The following CEP112 variants were observed in gnomAD, a reference collection of about 807,000 sequenced individuals.
CEP112 encodes centrosomal protein 112, also known as centrosomal protein of 112 kDa.
Under a neutral mutation model 153.0 loss-of-function variants are expected in CEP112, and 127 were observed. The ratio of observed to expected loss-of-function variants is 0.83; its 90% confidence interval spans 0.72 to 0.96. The LOEUF is 0.96. Ranked by LOEUF, CEP112 falls within the 40% of genes least tolerant of loss-of-function variation. The pLI is 0.00. For synonymous variants in CEP112, 358 were observed against 374.4 expected (o/e 0.96, Z 0.51); for missense variants, 1,089 against 1,101.2 (o/e 0.99, Z 0.16).
At chr17:65,705,489 G>A (rs1328206639) in intron 23 of CEP112, among the ~76,000 whole-genome samples, 1 of 152,174 alleles carries the variant, frequency 6.6e-6, no homozygotes, top group Non-Finnish European at 1.5e-5. Flanking sequence ...ACCTTTTACG[G>A]CACTTACATT....
At chr17:65,978,134 G>A (rs996856312) in intron 17 of CEP112, among the ~76,000 whole-genome samples, 1 of 152,040 alleles carries the variant, frequency 6.6e-6, no homozygotes, top group African/African-American at 2.4e-5. Flanking sequence ...GTGCATACCT[G>A]TAGTCTCAGC....
chr17:66,114,015 A>G lies in CEP112; in HGVS notation c.642+15731T>C, dbSNP rs539343206. Among the ~76,000 whole-genome samples the G allele has an allele frequency of 4.6e-5, 7 of 152,348 alleles. No individual in the cohort carries two copies. The South Asian group carries it at 1.4e-3, about 32-fold the overall frequency. On this transcript the variant is annotated intron_variant, in intron 6 of 26. Transcript: ENST00000535342. ...TTCTTCTTCTCTCATACTACCTCAAAAAAAGAATACCACAATAAATGTCCA... is the reference window on the plus strand; with the variant it reads ...TTCTTCTTCTCTCATACTACCTCAAGAAAAGAATACCACAATAAATGTCCA...
chr17:65,923,147 C>G (rs2144102805), intron 19 of CEP112, among the ~76,000 whole-genome samples: 1 of 152,220 alleles, frequency 6.6e-6, no homozygotes, highest in Admixed American at 6.5e-5. Context: ...TTATATAAAA[C>G]CATTTTTTTA....
At chr17:65,981,049 C>G (rs1268692464) in intron 17 of CEP112, among the ~76,000 whole-genome samples, 1 of 152,176 alleles carries the variant, frequency 6.6e-6, no homozygotes, top group African/African-American at 2.4e-5. Flanking sequence ...CTCCTGACCT[C>G]AGGTGATCCA....
chr17:65,752,862 G>T (rs143549035), intron 21 of CEP112, among the ~76,000 whole-genome samples: 24 of 152,232 alleles, frequency 1.6e-4, no homozygotes, highest in African/African-American at 5.3e-4. Context: ...GTGTATGGTT[G>T]TCTCTTATTT....
At chr17:65,688,216 AT>A (rs1191957271) in intron 24 of CEP112, 1 of 152,258 alleles carries the variant, frequency 6.6e-6, no homozygotes, top group East Asian at 1.9e-4. Context: ...GAAAACTAAA[AT>A]TCAAAAGAAA....
intron 11 of CEP112, among the ~76,000 whole-genome samples, chr17:66,062,098 C>T (rs1441982080): frequency 1.3e-5 from 2 of 152,002 alleles, no homozygotes; most frequent in Non-Finnish European, 2.9e-5. Flanking sequence ...CCTACCATGA[C>T]TGTAAGTTTC....
intron 4 of CEP112, among the ~76,000 whole-genome samples, chr17:66,149,888 G>GTTTTTTTTTTTTTTTT (rs71160535): frequency 9.1e-5 from 5 of 54,724 alleles, no homozygotes; most frequent in Non-Finnish European, 1.2e-4. Flanking sequence ...TTGTTTGTTT[G>GTTTTTTTTTTTTTTTT]TTTTTTTTTT....
At chr17:65,663,982 C>G (rs962715616) in intron 24 of CEP112, among the ~76,000 whole-genome samples, 1 of 152,084 alleles carries the variant, frequency 6.6e-6, no homozygotes, top group African/African-American at 2.4e-5. Context: ...GGAGGCGGAG[C>G]TTGCAGTGAG....
At chr17:65,978,206 T>C (rs2063105696) in intron 17 of CEP112, among the ~76,000 whole-genome samples, 3 of 151,846 alleles carry the variant, frequency 2.0e-5, no homozygotes, top group Admixed American at 1.3e-4. Context: ...CAGTGGGCTA[T>C]GATCATGCCA....
intron 17 of CEP112, among the ~76,000 whole-genome samples, chr17:65,982,745 C>A (rs561792855): frequency 1.3e-5 from 2 of 152,054 alleles, no homozygotes; most frequent in South Asian, 2.1e-4. Context: ...GGTACTCAAG[C>A]GAGTAATTAT....
intron 18 of CEP112, among the ~76,000 whole-genome samples, chr17:65,928,669 T>A (rs180832592): frequency 5.3e-4 from 81 of 152,040 alleles, no homozygotes; most frequent in African/African-American, 1.9e-3. Context: ...CGGAGACCAG[T>A]GTAGGCAACA....
intron 21 of CEP112, among the ~76,000 whole-genome samples, chr17:65,836,569 A>G (rs1280804923): frequency 2.0e-5 from 3 of 152,182 alleles, no homozygotes; most frequent in Admixed American, 2.0e-4. Context: ...ATAAATACAG[A>G]AAGATAATAT....
intron 14 of CEP112, 33 bp downstream of exon 14, chr17:66,029,090 T>A: frequency 6.6e-7 from 1 of 1,526,076 alleles, no homozygotes; most frequent in Non-Finnish European, 8.9e-7. Context: ...GAATAAATAC[T>A]TCATGTGGAT....
intron 16 of CEP112, among the ~76,000 whole-genome samples, chr17:66,026,071 A>G (rs7220381): frequency 0.51 from 78,172 of 151,838 alleles, 21,043 homozygotes; most frequent in African/African-American, 0.59. Context: ...GAAGCTATAT[A>G]ATGGGTACAC....
At chr17:65,950,076 G>T (rs1043652545) in intron 18 of CEP112, among the ~76,000 whole-genome samples, 9 of 152,100 alleles carry the variant, frequency 5.9e-5, no homozygotes, top group African/African-American at 2.2e-4. Context: ...TGGAGACACA[G>T]TGTTAAAATG....
intron 24 of CEP112, among the ~76,000 whole-genome samples, chr17:65,664,826 G>A (rs757557): frequency 0.56 from 84,446 of 151,972 alleles, 24,351 homozygotes; most frequent in East Asian, 0.76. Flanking sequence ...AAAACACTGT[G>A]GATTGGGTGG....
chr17:65,778,694 G>A (rs1352648697), intron 21 of CEP112, among the ~76,000 whole-genome samples: 1 of 152,126 alleles, frequency 6.6e-6, no homozygotes, highest in East Asian at 1.9e-4. Flanking sequence ...GCATATTAAA[G>A]GTAAGGCAGA....
intron 4 of CEP112, among the ~76,000 whole-genome samples, chr17:66,156,630 T>A (rs1376244157): frequency 6.6e-6 from 1 of 152,002 alleles, no homozygotes; most frequent in Non-Finnish European, 1.5e-5. Context: ...AAGCTAAGAA[T>A]CTTGAAAAAG....
Sources: gnomAD v4.1 joint callset for allele counts (sites outside exome capture counted in the v4.1 genomes callset) on GRCh38, gnomAD v4.1.1 for gene constraint, MANE v1.5 for transcripts, NCBI Gene and HGNC (gene_info 2026-07-23, HGNC 2026-07-21) for gene names.